CSMD1: variants seen among roughly 807,000 people sequenced by gnomAD.
CSMD1 encodes CUB and sushi domain-containing protein 1.
In CSMD1, 213 loss-of-function variants were observed where a neutral mutation model predicts 417.5. The observed-to-expected ratio is 0.51, with a 90% confidence interval of 0.46 to 0.57. The LOEUF (loss-of-function observed/expected upper bound fraction) is 0.57, where lower values mean the gene tolerates loss of function less well. CSMD1 is among the 20% of genes least tolerant of loss of function. The pLI is 0.00. For missense variants in CSMD1, 6,923 were observed against 4,529.7 expected (o/e 1.53, Z -15.17); for synonymous variants, 2,862 against 1,736.8 (o/e 1.65, Z -16.11).
At chr8:4,030,613 G>A (rs571899960) in intron 4 of CSMD1, among the ~76,000 whole-genome samples, 13 of 152,322 alleles carry the variant, frequency 8.5e-5, no homozygotes, top group East Asian at 1.9e-4. Flanking sequence ...AGGGGTTGCT[G>A]TGAAGACCTC....
intron 10 of CSMD1, among the ~76,000 whole-genome samples, chr8:3,500,702 T>A (rs779769174): frequency 6.6e-6 from 1 of 152,146 alleles, no homozygotes; most frequent in Non-Finnish European, 1.5e-5. Context: ...AGAATGTGAA[T>A]TAGATGAGCT....
At chr8:4,529,802 T>G (rs930706787) in intron 2 of CSMD1, among the ~76,000 whole-genome samples, 4 of 151,906 alleles carry the variant, frequency 2.6e-5, no homozygotes, top group Admixed American at 6.6e-5. Context: ...AATCTTTAGG[T>G]ACAAATTTTT....
At chr8:3,227,686 C>G (rs991334200) in intron 27 of CSMD1, among the ~76,000 whole-genome samples, 2 of 151,626 alleles carry the variant, frequency 1.3e-5, no homozygotes, top group Non-Finnish European at 2.9e-5. Context: ...CATAGTAACA[C>G]AAAATATACA....
chr8:3,473,860 G>T (rs1335628328), intron 11 of CSMD1, among the ~76,000 whole-genome samples: 1 of 152,084 alleles, frequency 6.6e-6, no homozygotes, highest in Non-Finnish European at 1.5e-5. Context: ...ACATGGCTTG[G>T]GAGGCCTCAG....
At chr8:4,263,382 A>G (rs1283876759) in intron 3 of CSMD1, among the ~76,000 whole-genome samples, 16 of 152,154 alleles carry the variant, frequency 1.1e-4, no homozygotes, top group Admixed American at 1.0e-3. Flanking sequence ...AAAATAAAAA[A>G]CCTGCTTTGA....
intron 42 of CSMD1, among the ~76,000 whole-genome samples, chr8:3,112,789 G>T (rs1030531303): frequency 6.6e-6 from 1 of 152,072 alleles, no homozygotes; most frequent in Non-Finnish European, 1.5e-5. Flanking sequence ...AATAACAGAC[G>T]CTCATCATCA....
At chr8:3,930,408 G>A (rs11777715) in intron 5 of CSMD1, among the ~76,000 whole-genome samples, 4 of 150,398 alleles carry the variant, frequency 2.7e-5, no homozygotes, top group Admixed American at 2.0e-4. Context: ...GCTTATACTG[G>A]TCCAAGCAAG....
intron 2 of CSMD1, among the ~76,000 whole-genome samples, chr8:4,489,331 A>C (rs192457297): frequency 6.6e-6 from 1 of 152,188 alleles, no homozygotes; most frequent in East Asian, 1.9e-4. Context: ...GGAAAAACTT[A>C]TTTGAGTATT....
chr8:3,222,913 T>C (rs1041750425), intron 28 of CSMD1, among the ~76,000 whole-genome samples: 1 of 152,158 alleles, frequency 6.6e-6, no homozygotes, highest in Non-Finnish European at 1.5e-5. Context: ...AGGCCTTGAA[T>C]ACTGACATAA....
intron 10 of CSMD1, among the ~76,000 whole-genome samples, chr8:3,544,912 A>C (rs951331640): frequency 3.3e-5 from 5 of 152,208 alleles, no homozygotes; most frequent in African/African-American, 1.2e-4. Flanking sequence ...TACCAACTTA[A>C]TGTTTAATCT....
chr8:3,099,876 A>G (rs928488154), intron 46 of CSMD1, among the ~76,000 whole-genome samples: 4 of 152,144 alleles, frequency 2.6e-5, no homozygotes, highest in Non-Finnish European at 5.9e-5. Flanking sequence ...ATTCTCTCCA[A>G]CCAAAGAGGT....
chr8:4,058,476 G>A (rs1318939367), intron 3 of CSMD1, among the ~76,000 whole-genome samples: 2 of 152,158 alleles, frequency 1.3e-5, no homozygotes, highest in East Asian at 3.9e-4. Flanking sequence ...CACGTCATCT[G>A]CAAACAGGGA....
In CSMD1 at chr8:4,604,920, G is replaced by A. The variant is rs117117164; in HGVS notation, c.302+32422C>T. Among the ~76,000 whole-genome samples, 93 of 152,230 alleles carry A rather than the reference G, an allele frequency of 6.1e-4. 2 individuals carry two copies. The East Asian group carries it at 0.017, about 28-fold the overall frequency. ...GTTCGGGGTTCAGAATCATGCTTGCGCATGTCAGATTCTTTGCCAGAGATG... is the reference window on the plus strand; with the variant it reads ...GTTCGGGGTTCAGAATCATGCTTGCACATGTCAGATTCTTTGCCAGAGATG... On this transcript the variant is annotated intron_variant, in intron 2 of 69. Transcript: ENST00000635120.
intron 2 of CSMD1, among the ~76,000 whole-genome samples, chr8:4,536,599 T>C (rs1023467202): frequency 2.0e-5 from 3 of 152,224 alleles, no homozygotes; most frequent in Admixed American, 6.5e-5. Flanking sequence ...TGCCGTTTAG[T>C]GGCTGCACAA....
At chr8:3,047,081 G>A (rs556199870) in intron 50 of CSMD1, among the ~76,000 whole-genome samples, 1 of 152,022 alleles carries the variant, frequency 6.6e-6, no homozygotes, top group Admixed American at 6.5e-5. Flanking sequence ...GGTGGCGGGT[G>A]CCTGTAATCC....
intron 1 of CSMD1, among the ~76,000 whole-genome samples, chr8:4,837,224 G>C (rs988503387): frequency 6.6e-6 from 1 of 152,156 alleles, no homozygotes; most frequent in East Asian, 1.9e-4. Flanking sequence ...AGAATGTAAA[G>C]CTATCATATC....
intron 3 of CSMD1, among the ~76,000 whole-genome samples, chr8:4,342,457 G>C (rs1433159710): frequency 2.6e-5 from 4 of 152,016 alleles, no homozygotes; most frequent in Non-Finnish European, 5.9e-5. Flanking sequence ...CCCAACAGCA[G>C]ACAATAAACT....
chr8:2,953,114 C>T (rs921803348), intron 65 of CSMD1, among the ~76,000 whole-genome samples: 11 of 152,168 alleles, frequency 7.2e-5, no homozygotes, highest in African/African-American at 2.4e-4. Flanking sequence ...AAAAACAAAA[C>T]ACACACACAA....
chr8:3,730,433 G>C (rs2129047390), intron 6 of CSMD1, among the ~76,000 whole-genome samples: 2 of 143,532 alleles, frequency 1.4e-5, no homozygotes, highest in East Asian at 4.2e-4. Context: ...AAACCTCTAG[G>C]TTAGCAGAGC....
Sources: allele counts gnomAD v4.1 joint callset (sites outside exome capture counted in the v4.1 genomes callset), GRCh38; gene constraint gnomAD v4.1.1; transcripts MANE v1.5; gene names NCBI Gene and HGNC (gene_info 2026-07-23, HGNC 2026-07-21).